Variants in TENM2 observed in about 807,000 individuals in gnomAD.
TENM2 encodes the protein teneurin transmembrane protein 2, also known as teneurin-2.
A neutral mutation model predicts 245.2 loss-of-function variants in TENM2; 52 were observed. The ratio of observed to expected loss-of-function variants is 0.21; its 90% CI spans 0.17 to 0.27. The LOEUF is 0.27. Among genes scored for constraint, TENM2 ranks in the 10% least tolerant of loss-of-function variants. The pLI is 1.00. For synonymous variants in TENM2, 1,363 were observed against 1,438.9 expected (o/e 0.95, Z 1.19); for missense variants, 3,046 against 3,666.8 (o/e 0.83, Z 4.37).
At chr5:167,816,085 A>C (rs892653379) in intron 2 of TENM2, among the ~76,000 whole-genome samples, 1 of 152,028 alleles carries the variant, frequency 6.6e-6, no homozygotes, top group South Asian at 2.1e-4. Flanking sequence ...ACAGGGAAAC[A>C]ATAGAGAAAC....
At chr5:167,895,643 G>T (rs538119450) in intron 3 of TENM2, among the ~76,000 whole-genome samples, 1 of 152,198 alleles carries the variant, frequency 6.6e-6, no homozygotes, top group African/African-American at 2.4e-5. Context: ...TGGACCCTAT[G>T]CCAGATTTAT....
intron 2 of TENM2, among the ~76,000 whole-genome samples, chr5:167,642,156 AT>A (rs1477469028): frequency 2.3e-4 from 34 of 148,972 alleles, no homozygotes; most frequent in African/African-American, 6.6e-4. Context: ...AAAAAAAAAA[AT>A]ATGTATATAT....
intron 2 of TENM2, among the ~76,000 whole-genome samples, chr5:167,476,010 T>A (rs1321766804): frequency 2.0e-5 from 3 of 152,304 alleles, no homozygotes; most frequent in African/African-American, 7.2e-5. Flanking sequence ...TTTAAAGTAT[T>A]TAAGTGAGAA....
chr5:167,108,058 G>C, the TENM2 span, among the ~76,000 whole-genome samples: 1 of 152,002 alleles, frequency 6.6e-6, no homozygotes, highest in Non-Finnish European at 1.5e-5. Flanking sequence ...AAGATCCCTC[G>C]TTCTCTCTGC....
intron 8 of TENM2, among the ~76,000 whole-genome samples, chr5:168,097,277 T>A (rs1793442791): frequency 6.6e-6 from 1 of 152,196 alleles, no homozygotes; most frequent in South Asian, 2.1e-4. Flanking sequence ...ACCCTGCACA[T>A]CAGACCAAAT....
intron 7 of TENM2, among the ~76,000 whole-genome samples, chr5:168,070,913 C>G (rs1254372980): frequency 6.7e-6 from 1 of 149,300 alleles, no homozygotes; most frequent in Non-Finnish European, 1.5e-5. Context: ...GAAAAAGAAA[C>G]CACTGTGGAA....
chr5:167,465,231 G>A (rs557297452), intron 2 of TENM2, among the ~76,000 whole-genome samples: 4 of 152,338 alleles, frequency 2.6e-5, no homozygotes, highest in African/African-American at 9.6e-5. Context: ...GACTATTTAA[G>A]CATTCTAATA....
At chr5:167,894,924 AG>A in intron 3 of TENM2, among the ~76,000 whole-genome samples, 1 of 10,030 alleles carries the variant, frequency 1.0e-4, no homozygotes, top group Non-Finnish European at 2.5e-4. Context: ...CCTGGAAAGA[AG>A]GAAGGAAGGA....
At chr5:167,801,131 T>A (rs1445828128) in intron 2 of TENM2, among the ~76,000 whole-genome samples, 1,778 of 101,388 alleles carry the variant, frequency 0.018, 77 homozygotes, top group East Asian at 0.078. Flanking sequence ...TATATATATA[T>A]ATATATATAT....
At chr5:167,329,466 G>A (rs1757299970) in intron 1 of TENM2, among the ~76,000 whole-genome samples, 1 of 141,834 alleles carries the variant, frequency 7.1e-6, no homozygotes, top group Non-Finnish European at 1.5e-5. Context: ...GCAGGAGAAT[G>A]GTATGAACCC....
chr5:168,188,479 A>C (rs1294919143), intron 13 of TENM2, among the ~76,000 whole-genome samples: 1 of 152,228 alleles, frequency 6.6e-6, no homozygotes, highest in African/African-American at 2.4e-5. Context: ...CACTGCCCTA[A>C]ACATTCCCAT....
At position 168,061,953 on chromosome 5, in the gene TENM2, A is replaced by G. The variant is rs557562132; in HGVS notation, c.1310-107A>G. The G allele has an allele frequency of 2.3e-4, 230 of 1,000,754 alleles. No homozygotes were observed. The African/African-American group carries it at 3.1e-3, about 13-fold the overall frequency. The allele number at this position is 1,000,754 out of a possible 1,614,324, so 62.0% of individuals were successfully genotyped here. The stretch of plus-strand genomic sequence containing the variant: ...GAAACTTGCCATGAGTTTAATCTTA[A>G]TATTAAAACAACAACAAAAAAAAAC... On this transcript the variant is annotated intron_variant, in intron 6 of 28. Coordinates refer to ENST00000518659, the Ensembl canonical transcript of TENM2.
chr5:168,057,470 T>C (rs1562105356), intron 6 of TENM2, among the ~76,000 whole-genome samples: 1 of 152,162 alleles, frequency 6.6e-6, no homozygotes, highest in Non-Finnish European at 1.5e-5. Context: ...ATATGGACAT[T>C]GAGACTTTGA....
At chr5:167,321,348 C>A (rs4868789) in intron 1 of TENM2, among the ~76,000 whole-genome samples, 87,516 of 151,958 alleles carry the variant, frequency 0.58, 25,313 homozygotes, top group Admixed American at 0.64. Context: ...TGAAGCTTCT[C>A]TCTCTGGCCT....
At chr5:167,730,170 T>C (rs1760317450) in intron 2 of TENM2, among the ~76,000 whole-genome samples, 1 of 152,204 alleles carries the variant, frequency 6.6e-6, no homozygotes, top group Non-Finnish European at 1.5e-5. Flanking sequence ...GCCGTTGTTC[T>C]CATTGGAGCA....
chr5:168,056,466 G>A (rs1283808451), intron 6 of TENM2, among the ~76,000 whole-genome samples: 1 of 152,150 alleles, frequency 6.6e-6, no homozygotes, highest in Non-Finnish European at 1.5e-5. Context: ...TTACAGTCAT[G>A]CATGGCAAAA....
intron 12 of TENM2, among the ~76,000 whole-genome samples, chr5:168,157,815 G>A (rs138358932): frequency 1.2e-3 from 182 of 152,286 alleles, no homozygotes; most frequent in African/African-American, 4.1e-3. Context: ...AGATGGCTAT[G>A]TTGAGACGCA....
intron 2 of TENM2, among the ~76,000 whole-genome samples, chr5:167,457,064 T>C (rs1247158134): frequency 1.3e-5 from 2 of 152,154 alleles, no homozygotes; most frequent in Non-Finnish European, 2.9e-5. Context: ...GTAAAAATTA[T>C]TTTGATGGCT....
intron 15 of TENM2, among the ~76,000 whole-genome samples, chr5:168,198,188 C>CTTTTTTT (rs35539116): frequency 1.8e-4 from 17 of 95,848 alleles, no homozygotes; most frequent in East Asian, 4.0e-4. Flanking sequence ...CCAATGAACC[C>CTTTTTTT]TTTTTTTTTT....
Sources: allele counts gnomAD v4.1 joint callset (sites outside exome capture counted in the v4.1 genomes callset), GRCh38; gene constraint gnomAD v4.1.1; transcripts MANE v1.5; gene names NCBI Gene and HGNC (gene_info 2026-07-23, HGNC 2026-07-21).